PCDH11X: variants seen among roughly 807,000 people sequenced by gnomAD.
The protein encoded by PCDH11X is protocadherin-11 X-linked.
Under a neutral mutation model 53.3 loss-of-function variants are expected in PCDH11X, and 18 were observed. The ratio of observed to expected loss-of-function variants is 0.34; its 90% CI spans 0.23 to 0.50. The LOEUF (loss-of-function observed/expected upper bound fraction) is 0.50, where lower values mean the gene tolerates loss of function less well. Among genes scored for constraint, PCDH11X ranks in the 20% least tolerant of loss-of-function variants. PCDH11X has a pLI of 0.98. For missense variants in PCDH11X, 570 were observed against 1,032.4 expected (o/e 0.55, Z 6.14); for synonymous variants, 279 against 393.3 (o/e 0.71, Z 3.44).
intron 9 of PCDH11X, among the ~76,000 whole-genome samples, chrX:92,391,039 T>C (rs1413725160): frequency 1.9e-5 from 2 of 107,037 alleles, no homozygotes; most frequent in Admixed American, 1.0e-4. Context: ...GAAGACTTTG[T>C]AATTTTTAAA....
chrX:92,295,899 G>A (rs1451694104), intron 8 of PCDH11X, among the ~76,000 whole-genome samples: 12 of 108,983 alleles, frequency 1.1e-4, no homozygotes, highest in Non-Finnish European at 1.7e-4. Context: ...GGCTAACATG[G>A]TGAAACCTCA....
intron 6 of PCDH11X, chrX:91,879,659 G>A (rs1198497420): frequency 9.5e-6 from 8 of 841,821 alleles, no homozygotes; most frequent in Non-Finnish European, 1.2e-5. Context: ...TTCAGAATCT[G>A]ATAAATAGCT....
intron 6 of PCDH11X, among the ~76,000 whole-genome samples, chrX:91,922,152 T>A (rs1467161071): frequency 8.9e-6 from 1 of 111,788 alleles, no homozygotes; most frequent in Non-Finnish European, 1.9e-5. Context: ...TTTTGGATGG[T>A]TTTAAAATTA....
intron 10 of PCDH11X, among the ~76,000 whole-genome samples, chrX:92,580,884 T>G (rs1457315425): frequency 9.0e-6 from 1 of 111,015 alleles, no homozygotes; most frequent in African/African-American, 3.3e-5. Flanking sequence ...TTGCCCCGTG[T>G]GGCTCCTGGG....
chrX:92,011,061 C>G (rs961155993), intron 6 of PCDH11X, among the ~76,000 whole-genome samples: 5 of 110,939 alleles, frequency 4.5e-5, no homozygotes, highest in African/African-American at 1.6e-4. Context: ...TGATTTTATT[C>G]TTTTTATGGC....
At chrX:92,205,910 T>C (rs2066468273) in intron 7 of PCDH11X, among the ~76,000 whole-genome samples, 1 of 111,965 alleles carries the variant, frequency 8.9e-6, no homozygotes, top group Admixed American at 9.5e-5. Flanking sequence ...CATAAATCAA[T>C]GATCTTTTAT....
intron 10 of PCDH11X, among the ~76,000 whole-genome samples, chrX:92,480,434 T>C (rs979953886): frequency 1.7e-4 from 19 of 111,013 alleles, no homozygotes; most frequent in Admixed American, 1.6e-3. Context: ...CTGTGGCTTT[T>C]AGAGTTGTCA....
At chrX:91,963,300 T>C (rs2061818229) in intron 6 of PCDH11X, among the ~76,000 whole-genome samples, 1 of 111,236 alleles carries the variant, frequency 9.0e-6, no homozygotes, top group Non-Finnish European at 1.9e-5. Flanking sequence ...CATCACCTCT[T>C]GAATGATTTA....
At chrX:91,808,890 T>C (rs1199951700) in intron 1 of PCDH11X, among the ~76,000 whole-genome samples, 2 of 110,537 alleles carry the variant, frequency 1.8e-5, no homozygotes, top group Non-Finnish European at 3.8e-5. Flanking sequence ...GAAGTCTCTT[T>C]AAGCATATCT....
At position 91,966,122 on chromosome X, in the gene PCDH11X, T is replaced by TGAGG. The variant is rs1465304978; in HGVS notation, c.3033+86850_3033+86851insAGGG. 3.6e-5 allele frequency among the ~76,000 whole-genome samples: 4 copies of TGAGG among 109,603 alleles called. No homozygotes were observed. In the East Asian group the frequency reaches 1.1e-3, roughly 31 times the overall value. On this transcript the variant is annotated intron_variant, in intron 6 of 10. Transcript: ENST00000682573. The stretch of plus-strand genomic sequence containing the variant: ...GGGATCTGGCATCTCATTATCTGGA[T>TGAGG]GCCCTGATCTGGTGAGTTTCAGTTC...
chrX:92,493,304 T>C (rs1466216117), intron 10 of PCDH11X, among the ~76,000 whole-genome samples: 1 of 111,131 alleles, frequency 9.0e-6, no homozygotes, highest in Non-Finnish European at 1.9e-5. Flanking sequence ...AGAGATCTGC[T>C]GTACATTGTG....
intron 1 of PCDH11X, among the ~76,000 whole-genome samples, chrX:91,800,090 A>G (rs1384842042): frequency 1.8e-5 from 2 of 112,142 alleles, no homozygotes; most frequent in African/African-American, 3.2e-5. Flanking sequence ...TTCTGTCTCA[A>G]AAAGAAAATA....
chrX:92,403,291 T>G (rs2071425033), intron 9 of PCDH11X, among the ~76,000 whole-genome samples: 1 of 102,830 alleles, frequency 9.7e-6, no homozygotes, highest in Non-Finnish European at 1.9e-5. Context: ...GAGTATCTGT[T>G]TATACGTGTG....
In PCDH11X at chrX:92,246,476, C is replaced by T. The variant is rs749153277; in HGVS notation, c.3115-16638C>T. On this transcript the variant is annotated intron_variant, in intron 7 of 10. Coordinates refer to ENST00000682573, the MANE Select transcript of PCDH11X (RefSeq NM_032968.5). ...CAAACGATTCTCCTGCCTCAGTATCCCGAGTAGCTGGGATTACAGTGCCCG... is the reference window on the plus strand; with the variant it reads ...CAAACGATTCTCCTGCCTCAGTATCTCGAGTAGCTGGGATTACAGTGCCCG... 5.4e-5 allele frequency among the ~76,000 whole-genome samples: 6 copies of T among 110,813 alleles called. No homozygotes were observed. In the East Asian group the frequency reaches 1.4e-3, roughly 26 times the overall value.
chrX:91,786,005 C>T (rs1935325580), intron 1 of PCDH11X, among the ~76,000 whole-genome samples: 1 of 112,003 alleles, frequency 8.9e-6, no homozygotes, highest in Non-Finnish European at 1.9e-5. Flanking sequence ...ACTGCATTCT[C>T]ATTATCAAAC....
intron 10 of PCDH11X, among the ~76,000 whole-genome samples, chrX:92,564,374 C>T (rs1380116047): frequency 2.9e-5 from 3 of 102,128 alleles, no homozygotes; most frequent in Non-Finnish European, 6.0e-5. Context: ...AATTATACTA[C>T]ACAACTATAG....
At chrX:92,585,373 C>CTTT (rs1273543624) in intron 10 of PCDH11X, among the ~76,000 whole-genome samples, 1,565 of 92,358 alleles carry the variant, frequency 0.017, 31 homozygotes, top group Middle Eastern at 0.052. Context: ...CTTTCTTTTT[C>CTTT]TTTTTTTTTT....
chrX:92,277,044 C>T lies in PCDH11X; in HGVS notation c.3144+13901C>T, dbSNP rs144325551. ...CTGGACCAGGTGTGAGGAGGGGAGGCGATAAAGAGATTATAGGGTGGAAGA... is the reference window on the plus strand; with the variant it reads ...CTGGACCAGGTGTGAGGAGGGGAGGTGATAAAGAGATTATAGGGTGGAAGA... On this transcript the variant is annotated intron_variant, in intron 8 of 10. Transcript: ENST00000682573. 3.2e-3 allele frequency among the ~76,000 whole-genome samples: 352 copies of T among 110,152 alleles called. 2 individuals are homozygous for T. Among genetic ancestry groups the T allele is most frequent in the African/African-American group, 0.01 (312 of 30,154 alleles).
intron 6 of PCDH11X, among the ~76,000 whole-genome samples, chrX:91,930,110 A>G (rs1942075068): frequency 9.1e-6 from 1 of 109,296 alleles, no homozygotes; most frequent in Non-Finnish European, 1.9e-5. Context: ...AAGCCCCAAC[A>G]ACAGAAATTT....
Sources: gnomAD v4.1 joint callset for allele counts (sites outside exome capture counted in the v4.1 genomes callset) on GRCh38, gnomAD v4.1.1 for gene constraint, MANE v1.5 for transcripts, NCBI Gene and HGNC (gene_info 2026-07-23, HGNC 2026-07-21) for gene names.